WHRN: variants seen among roughly 807,000 people sequenced by gnomAD.
The protein encoded by WHRN is CASK-interacting protein CIP98.
Under a neutral mutation model 68.3 loss-of-function variants are expected in WHRN, and 41 were observed. The observed-to-expected ratio is 0.60, with a 90% CI of 0.47 to 0.78. The LOEUF is 0.78. Ranked by LOEUF, WHRN falls within the 30% of genes least tolerant of loss-of-function variation. The probability of loss-of-function intolerance (pLI) is 0.00; values close to 1 mark genes in which losing one functional copy is unlikely to be tolerated. For missense variants in WHRN, 1,243 were observed against 1,244.7 expected (o/e 1.00, Z 0.02); for synonymous variants, 560 against 561.3 (o/e 1.00, Z 0.03).
intron 2 of WHRN, among the ~76,000 whole-genome samples, chr9:114,471,667 A>G (rs2133045324): frequency 6.6e-6 from 1 of 152,312 alleles, no homozygotes; most frequent in South Asian, 2.1e-4. Context: ...TAGGTCCAAG[A>G]GGCAGCCGGA....
intron 3 of WHRN, among the ~76,000 whole-genome samples, chr9:114,453,950 T>C (rs1420121272): frequency 6.6e-6 from 1 of 152,172 alleles, no homozygotes; most frequent in Admixed American, 6.5e-5. Flanking sequence ...GCAATCTCTA[T>C]AAGGGATAAT....
intron 1 of WHRN, among the ~76,000 whole-genome samples, chr9:114,490,113 T>G (rs1842861367): frequency 6.6e-6 from 1 of 152,188 alleles, no homozygotes; most frequent in African/African-American, 2.4e-5. Context: ...GTCCATCTGC[T>G]CCGGCTCTGT....
intron 9 of WHRN, among the ~76,000 whole-genome samples, chr9:114,404,703 C>T (rs1045629970): frequency 1.3e-5 from 2 of 152,224 alleles, no homozygotes; most frequent in South Asian, 2.1e-4. Flanking sequence ...ACCAGCTGTG[C>T]AAGCCTGGGC....
chr9:114,473,690 C>A (rs1457795674), intron 2 of WHRN, among the ~76,000 whole-genome samples: 2 of 152,170 alleles, frequency 1.3e-5, no homozygotes, highest in Admixed American at 1.3e-4. Flanking sequence ...ACATTAACAA[C>A]CCCATCTCCA....
At chr9:114,433,891 G>A (rs1001910144) in intron 3 of WHRN, among the ~76,000 whole-genome samples, 3 of 152,104 alleles carry the variant, frequency 2.0e-5, no homozygotes, top group African/African-American at 4.8e-5. Context: ...GCTTCCTTCC[G>A]GTTCTCTCTT....
chr9:114,429,950 A>G (rs4978586), intron 3 of WHRN, among the ~76,000 whole-genome samples: 149,325 of 152,332 alleles, frequency 0.98, 73,244 homozygotes, highest in East Asian at 1. Context: ...AATCTTCTCC[A>G]TTTCCACCTG....
At chr9:114,470,661 G>T (rs916030419) in intron 2 of WHRN, among the ~76,000 whole-genome samples, 2 of 152,180 alleles carry the variant, frequency 1.3e-5, no homozygotes, top group African/African-American at 4.8e-5. Context: ...TGAGGACACA[G>T]TAGGCAGCTC....
At chr9:114,425,358 GCCAAC>G in intron 4 of WHRN, 1 of 599,486 alleles carries the variant, frequency 1.7e-6, no homozygotes, top group Non-Finnish European at 3.0e-6. Flanking sequence ...TCAGGGTCAG[GCCAAC>G]CCTCAGGAGC....
intron 3 of WHRN, among the ~76,000 whole-genome samples, chr9:114,437,872 T>C (rs796978183): frequency 5.9e-5 from 9 of 152,306 alleles, no homozygotes; most frequent in African/African-American, 2.2e-4. Context: ...AAGGGCCAGT[T>C]AGCTCTAATA....
chr9:114,482,852 G>A (rs16929545), intron 1 of WHRN, among the ~76,000 whole-genome samples: 19,845 of 152,126 alleles, frequency 0.13, 1,638 homozygotes, highest in South Asian at 0.21. Flanking sequence ...GAGAGCCAGC[G>A]CCGGAGAGGG....
chr9:114,408,285 C>G (rs1052431329), intron 7 of WHRN, among the ~76,000 whole-genome samples: 30 of 152,326 alleles, frequency 2.0e-4, no homozygotes, highest in African/African-American at 6.7e-4. Flanking sequence ...TGGGGCATCT[C>G]TAGCCTGGGC....
chr9:114,405,595 T>C (rs1834968628), intron 9 of WHRN, among the ~76,000 whole-genome samples: 6 of 152,234 alleles, frequency 3.9e-5, no homozygotes, highest in Admixed American at 3.9e-4. Context: ...GTGATCCATC[T>C]GTGACAGCCC....
chr9:114,497,595 G>C (rs1228894730), intron 1 of WHRN, among the ~76,000 whole-genome samples: 1 of 151,712 alleles, frequency 6.6e-6, no homozygotes, highest in East Asian at 1.9e-4. Flanking sequence ...TTGGTTCATT[G>C]ATTGCTTCAG....
chr9:114,449,990 G>A (rs1564167954), intron 3 of WHRN, among the ~76,000 whole-genome samples: 2 of 152,074 alleles, frequency 1.3e-5, no homozygotes, highest in East Asian at 3.9e-4. Flanking sequence ...GGGAAGCACT[G>A]CTCCTCTATA....
At chr9:114,497,392 A>G (rs1171614975) in intron 1 of WHRN, among the ~76,000 whole-genome samples, 1 of 152,226 alleles carries the variant, frequency 6.6e-6, no homozygotes, top group African/African-American at 2.4e-5. Context: ...AAGAAAAAAT[A>G]AATCCATTTA....
chr9:114,448,980 G>A (rs1839075423), intron 3 of WHRN, among the ~76,000 whole-genome samples: 1 of 152,206 alleles, frequency 6.6e-6, no homozygotes, highest in Non-Finnish European at 1.5e-5. Context: ...AACTGGCACT[G>A]GAAAAGGTCC....
intron 7 of WHRN, among the ~76,000 whole-genome samples, chr9:114,408,898 ACAGAAAGG>A (rs1383094202): frequency 6.6e-6 from 1 of 152,220 alleles, no homozygotes; most frequent in African/African-American, 2.4e-5. Flanking sequence ...CCTGAACAGA[ACAGAAAGG>A]CAGAGGAAGG....
chr9:114,494,939 C>T (rs1388463321), intron 1 of WHRN, among the ~76,000 whole-genome samples: 1 of 151,506 alleles, frequency 6.6e-6, no homozygotes, highest in Admixed American at 6.6e-5. Flanking sequence ...GGGGGGGGAG[C>T]GGGTTTCAGG....
chr9:114,439,760 AT>A (rs1241081433), intron 3 of WHRN, among the ~76,000 whole-genome samples: 1 of 152,160 alleles, frequency 6.6e-6, no homozygotes, highest in Non-Finnish European at 1.5e-5. Flanking sequence ...ATATACTGGA[AT>A]TTTTTTGGAG....
Sources: allele counts gnomAD v4.1 joint callset (sites outside exome capture counted in the v4.1 genomes callset), GRCh38; gene constraint gnomAD v4.1.1; transcripts MANE v1.5; gene names NCBI Gene and HGNC (gene_info 2026-07-23, HGNC 2026-07-21).